ENTPD1: variants seen among roughly 807,000 people sequenced by gnomAD.
The protein encoded by ENTPD1 is ectonucleoside triphosphate diphosphohydrolase 1.
ENTPD1 carries 33 observed loss-of-function variants against 57.0 expected under a neutral mutation model. The ratio of observed to expected loss-of-function variants is 0.58; its 90% CI spans 0.44 to 0.77. The LOEUF is 0.77. Among genes scored for constraint, ENTPD1 ranks in the 30% least tolerant of loss-of-function variants. ENTPD1 has a pLI of 0.00. For synonymous variants in ENTPD1, 202 were observed against 218.8 expected (o/e 0.92, Z 0.68); for missense variants, 501 against 603.4 (o/e 0.83, Z 1.78).
At chr10:95,789,769 A>G (rs2098195597) in intron 1 of ENTPD1, among the ~76,000 whole-genome samples, 1 of 152,238 alleles carries the variant, frequency 6.6e-6, no homozygotes, top group Non-Finnish European at 1.5e-5. Context: ...GTTGATAGAA[A>G]TTTAAACAAA....
At chr10:95,760,339 G>A (rs1251622424) in intron 1 of ENTPD1, among the ~76,000 whole-genome samples, 1 of 152,272 alleles carries the variant, frequency 6.6e-6, no homozygotes, top group South Asian at 2.1e-4. Flanking sequence ...AGCAGTGCTT[G>A]AAGATCTTTT....
Position 95,731,917 on chromosome 10 carries a change from C to T in ENTPD1, c.37+19924C>T, listed in dbSNP as rs897036620. Reference sequence around the variant, plus strand: ...GAAGTCTCAGCTTCCCGAGTACCTGCGATTACAGGCACCTGCTACCACGCC... The same window carrying T: ...GAAGTCTCAGCTTCCCGAGTACCTGTGATTACAGGCACCTGCTACCACGCC... On this transcript the variant is annotated intron_variant, in intron 1 of 9. Transcript: ENST00000453258. 5.3e-5 allele frequency among the ~76,000 whole-genome samples: 8 copies of T among 150,706 alleles called. No individual in the cohort carries two copies. In the East Asian group the frequency reaches 7.8e-4, roughly 15 times the overall value.
At chr10:95,770,876 T>C (rs986167530) in intron 1 of ENTPD1, among the ~76,000 whole-genome samples, 3 of 152,194 alleles carry the variant, frequency 2.0e-5, no homozygotes, top group African/African-American at 7.2e-5. Flanking sequence ...AATCTCTTAA[T>C]TAAAATGAAA....
chr10:95,725,826 A>C (rs1244690072), intron 1 of ENTPD1, among the ~76,000 whole-genome samples: 1 of 152,234 alleles, frequency 6.6e-6, no homozygotes, highest in Non-Finnish European at 1.5e-5. Flanking sequence ...TGGAATGCTT[A>C]TATCTTCTCA....
chr10:95,773,354 T>A (rs2098122162), intron 1 of ENTPD1, among the ~76,000 whole-genome samples: 1 of 152,200 alleles, frequency 6.6e-6, no homozygotes, highest in Non-Finnish European at 1.5e-5. Context: ...TTCTTGTATA[T>A]CTTCATCAGA....
intron 1 of ENTPD1, among the ~76,000 whole-genome samples, chr10:95,783,825 A>T (rs1190161641): frequency 6.6e-6 from 1 of 152,164 alleles, no homozygotes; most frequent in African/African-American, 2.4e-5. Flanking sequence ...TGGCAAAAAG[A>T]ATAACAAGTA....
At chr10:95,828,322 C>G (rs977828178) in intron 2 of ENTPD1, among the ~76,000 whole-genome samples, 5 of 152,170 alleles carry the variant, frequency 3.3e-5, no homozygotes, top group African/African-American at 7.2e-5. Context: ...CCGTTACCCC[C>G]GTATGGGACT....
chr10:95,732,730 G>A (rs929445847), intron 1 of ENTPD1, among the ~76,000 whole-genome samples: 2 of 152,090 alleles, frequency 1.3e-5, no homozygotes, highest in Admixed American at 1.3e-4. Flanking sequence ...TTTTAAAGCT[G>A]GGTATCCACG....
At chr10:95,756,345 A>T in intron 1 of ENTPD1, 90 bp downstream of exon 1, 1 of 1,398,044 alleles carries the variant, frequency 7.2e-7, no homozygotes, top group African/African-American at 1.5e-5. Context: ...AGTACTTGAA[A>T]GCTGGAGGCA....
chr10:95,853,645 T>C (rs1414485413), intron 7 of ENTPD1, among the ~76,000 whole-genome samples: 2 of 152,028 alleles, frequency 1.3e-5, no homozygotes, highest in South Asian at 4.1e-4. Context: ...GCATGAAGAG[T>C]TGTTGAATTT....
At chr10:95,824,341 G>A (rs569442474) in intron 2 of ENTPD1, among the ~76,000 whole-genome samples, 1 of 152,356 alleles carries the variant, frequency 6.6e-6, no homozygotes, top group South Asian at 2.1e-4. Context: ...GTTGAACTGG[G>A]AGCCTGGAAG....
At chr10:95,724,861 G>A (rs11188450) in intron 1 of ENTPD1, among the ~76,000 whole-genome samples, 8,350 of 152,274 alleles carry the variant, frequency 0.055, 266 homozygotes, top group South Asian at 0.088. Flanking sequence ...GGGACCCAAA[G>A]GGGGTTGCCC....
At chr10:95,804,851 C>T (rs1027834863) in intron 1 of ENTPD1, among the ~76,000 whole-genome samples, 3 of 152,110 alleles carry the variant, frequency 2.0e-5, no homozygotes, top group African/African-American at 7.2e-5. Flanking sequence ...GAGATATGTT[C>T]CATCAATACC....
At chr10:95,797,681 GCT>G (rs2098232151) in intron 1 of ENTPD1, among the ~76,000 whole-genome samples, 1 of 152,116 alleles carries the variant, frequency 6.6e-6, no homozygotes, top group Non-Finnish European at 1.5e-5. Context: ...GAGGTGCCAG[GCT>G]CTTTTAAACA....
chr10:95,773,328 C>G (rs2098122072), intron 1 of ENTPD1, among the ~76,000 whole-genome samples: 1 of 152,116 alleles, frequency 6.6e-6, no homozygotes, highest in South Asian at 2.1e-4. Flanking sequence ...TATTAGCAGG[C>G]ATGAAAACAT....
intron 2 of ENTPD1, among the ~76,000 whole-genome samples, chr10:95,830,855 G>A (rs2098394420): frequency 6.6e-6 from 1 of 152,120 alleles, no homozygotes; most frequent in Non-Finnish European, 1.5e-5. Context: ...TCTTCCATGT[G>A]ATTCTAATGA....
intron 2 of ENTPD1, among the ~76,000 whole-genome samples, chr10:95,827,386 T>C (rs1590041947): frequency 6.6e-6 from 1 of 150,804 alleles, no homozygotes; most frequent in Non-Finnish European, 1.5e-5. Context: ...ACCTGGGAGG[T>C]GAAGGTTGCA....
At chr10:95,859,966 A>G (rs1246595840) in intron 7 of ENTPD1, among the ~76,000 whole-genome samples, 2 of 152,178 alleles carry the variant, frequency 1.3e-5, no homozygotes, top group Non-Finnish European at 2.9e-5. Context: ...CCCATAGTAG[A>G]CCTGTAATAA....
chr10:95,780,820 T>C (rs900392640), intron 1 of ENTPD1, among the ~76,000 whole-genome samples: 1 of 152,188 alleles, frequency 6.6e-6, no homozygotes, highest in African/African-American at 2.4e-5. Context: ...CTTAGCACCA[T>C]GGAGACAGGG....
Sources: allele counts gnomAD v4.1 joint callset (sites outside exome capture counted in the v4.1 genomes callset), GRCh38; gene constraint gnomAD v4.1.1; transcripts MANE v1.5; gene names NCBI Gene and HGNC (gene_info 2026-07-23, HGNC 2026-07-21).